The following FBXO31 variants were observed in gnomAD, a reference collection of about 807,000 sequenced individuals.
FBXO31 encodes the protein F-box only protein 31.
FBXO31 carries 24 observed loss-of-function variants against 54.4 expected under a neutral mutation model. That is an observed-to-expected ratio of 0.44 (90% confidence interval 0.32 to 0.62). The LOEUF (loss-of-function observed/expected upper bound fraction) is 0.62, where lower values mean the gene tolerates loss of function less well. Ranked by LOEUF, FBXO31 falls within the 20% of genes least tolerant of loss-of-function variation. The pLI is 0.05. For missense variants in FBXO31, 665 were observed against 787.1 expected (o/e 0.84, Z 1.86); for synonymous variants, 388 against 335.6 (o/e 1.16, Z -1.71).
intron 5 of FBXO31, among the ~76,000 whole-genome samples, chr16:87,341,655 CAAAAAAAAA>C (rs397854967): frequency 7.1e-5 from 5 of 70,680 alleles, no homozygotes; most frequent in Non-Finnish European, 1.3e-4. Flanking sequence ...GACTCCGTCT[CAAAAAAAAA>C]AAAAAAAAAA....
rs1441436413 is a variant in FBXO31 at position 87,334,140 on chromosome 16, C to T, written c.1143G>A (p.Gln381=). Residue 381 remains glutamine (Q), a synonymous_variant, in exon 8 of 9, where the codon CAG becomes CAA. Transcript: ENST00000311635. ...LEVRERVRQE[Q]QEGGHEAGEG... ...CGCCCGCCTCGTGCCCGCCTTCCTG[C>T]TGCTCCTGGCGCACCCTCTCGCGCA... The T allele has an allele frequency of 1.9e-6, 3 of 1,612,100 alleles. No homozygotes were observed. The highest frequency in any genetic ancestry group is 2.5e-6 in the Non-Finnish European group (3 of 1,179,324).
intron 1 of FBXO31, among the ~76,000 whole-genome samples, chr16:87,362,207 A>G (rs115856946): frequency 0.015 from 2,217 of 152,330 alleles, 51 homozygotes; most frequent in African/African-American, 0.05. Flanking sequence ...AGCCACATCA[A>G]AAAGGGTACA....
intron 2 of FBXO31, among the ~76,000 whole-genome samples, chr16:87,352,348 G>A (rs1366114124): frequency 1.3e-5 from 2 of 152,044 alleles, no homozygotes; most frequent in Non-Finnish European, 2.9e-5. Context: ...TGTGAATAAG[G>A]ACATCGCTAC....
intron 2 of FBXO31, among the ~76,000 whole-genome samples, chr16:87,349,230 A>G (rs1224049416): frequency 1.3e-5 from 2 of 152,266 alleles, no homozygotes; most frequent in Non-Finnish European, 2.9e-5. Context: ...GTGACACTCC[A>G]AATTTTAAAA....
chr16:87,350,384 C>T (rs1381730900), intron 2 of FBXO31, among the ~76,000 whole-genome samples: 1 of 152,184 alleles, frequency 6.6e-6, no homozygotes, highest in Non-Finnish European at 1.5e-5. Context: ...TGTGTGCAGG[C>T]TGCTGCCAGC....
At chr16:87,391,693 C>G (rs1377804911), upstream of FBXO31, 1 of 152,322 alleles carries the variant, frequency 6.6e-6, no homozygotes, top group Non-Finnish European at 1.5e-5. Flanking sequence ...CGCAAACGCG[C>G]CAAGGCTGGG....
Position 87,354,719 on chromosome 16 carries a change from G to C in FBXO31, c.412+5576C>G, listed in dbSNP as rs149579922. On this transcript the variant is annotated intron_variant, in intron 2 of 8. Coordinates refer to ENST00000311635, the MANE Select transcript of FBXO31 (RefSeq NM_024735.5). The stretch of plus-strand genomic sequence containing the variant: ...ACACTGGCTCACACCTGTAATCCCA[G>C]CACTTTGGGTGGCCGAGGTAGATGG... Among the ~76,000 whole-genome samples the C allele has an allele frequency of 3.8e-3, 582 of 151,956 alleles. 14 individuals are homozygous for C. The highest frequency in any genetic ancestry group is 2.6e-3 in the East Asian group (13 of 5,080).
At chr16:87,359,978 G>A (rs1210110051) in intron 2 of FBXO31, among the ~76,000 whole-genome samples, 1 of 152,214 alleles carries the variant, frequency 6.6e-6, no homozygotes, top group Admixed American at 6.5e-5. Flanking sequence ...GAAGGCTGGA[G>A]GCCCAGAAGC....
Position 87,334,090 on chromosome 16 carries a change from C to T in FBXO31, c.1193G>A (p.Arg398Gln), listed in dbSNP as rs749513403. 1.7e-5 allele frequency: 27 copies of T among 1,610,150 alleles called. No homozygotes were observed. Among genetic ancestry groups the T allele is most frequent in the Middle Eastern group, 3.3e-4 (2 of 6,036 alleles). The change falls in exon 8 of 9, where the codon CGG becomes CAG. Residue 398 changes from arginine to glutamine, a missense_variant. Coordinates refer to ENST00000311635, the MANE Select transcript of FBXO31 (RefSeq NM_024735.5). ...AGEGRGRQGPRESQPSPAQPR... is the reference protein window; with the variant it reads ...AGEGRGRQGPQESQPSPAQPR... ...CTGGGCAGGGCTTGGCTGGGACTCCCGGGGGCCCTGCCGGCCACGACCCTC... is the reference window on the plus strand; with the variant it reads ...CTGGGCAGGGCTTGGCTGGGACTCCTGGGGGCCCTGCCGGCCACGACCCTC...
At chr16:87,359,865 A>G (rs1424534210) in intron 2 of FBXO31, among the ~76,000 whole-genome samples, 1 of 152,150 alleles carries the variant, frequency 6.6e-6, no homozygotes, top group Non-Finnish European at 1.5e-5. Flanking sequence ...ACAGAATGCT[A>G]AAGGGAAGGA....
intron 5 of FBXO31, among the ~76,000 whole-genome samples, chr16:87,337,875 T>G (rs1197014834): frequency 6.6e-6 from 1 of 151,386 alleles, no homozygotes; most frequent in Non-Finnish European, 1.5e-5. Flanking sequence ...ATTTTAGGAC[T>G]CAATTTTTAG....
Position 87,358,160 on chromosome 16 carries a change from C to G in FBXO31, c.412+2135G>C, listed in dbSNP as rs1285742839. On this transcript the variant is annotated intron_variant, in intron 2 of 8. Transcript: ENST00000311635. The surrounding 1 kb of genome is among the most constrained non-coding windows in gnomAD (Gnocchi z 4.0). ...AAAATGTGCATTAAAGTGATCTCGA[C>G]TGGTAGTACCCAGAAACCACTGCAG... 6.6e-6 allele frequency among the ~76,000 whole-genome samples: 1 copy of G among 152,208 alleles called. No individual in the cohort carries two copies. Among genetic ancestry groups the G allele is most frequent in the Non-Finnish European group, 1.5e-5 (1 of 68,046 alleles).
Position 87,328,918 on chromosome 16 carries a change from A to G in FBXO31, c.*2370T>C, listed in dbSNP as rs74038725. 1.3e-5 allele frequency: 2 copies of G among 152,108 alleles called. No individual in the cohort carries two copies. Among genetic ancestry groups the G allele is most frequent in the African/African-American group, 4.8e-5 (2 of 41,404 alleles). The allele number at this position is 152,108 out of a possible 1,614,324, so 9.4% of individuals were successfully genotyped here. Reference sequence around the variant, plus strand: ...TTTTATCCAACTCTCAGCTGCCCTTAGGCCTCTGATGACGACATCAGCCCT... The same window carrying G: ...TTTTATCCAACTCTCAGCTGCCCTTGGGCCTCTGATGACGACATCAGCCCT... On this transcript the variant is annotated 3_prime_UTR_variant, in exon 9 of 9. Coordinates refer to ENST00000311635, the MANE Select transcript of FBXO31 (RefSeq NM_024735.5).
intron 2 of FBXO31, among the ~76,000 whole-genome samples, chr16:87,348,237 C>T (rs971371579): frequency 2.0e-5 from 3 of 152,200 alleles, no homozygotes; most frequent in Non-Finnish European, 4.4e-5. Flanking sequence ...CCTACCTGCC[C>T]GCTCTCCATC....
At chr16:87,377,786 A>C (rs1173277146) in intron 1 of FBXO31, among the ~76,000 whole-genome samples, 1 of 151,508 alleles carries the variant, frequency 6.6e-6, no homozygotes, top group Non-Finnish European at 1.5e-5. Flanking sequence ...CTGTGACTGC[A>C]CCACTACACT....
chr16:87,387,312 A>C (rs1362953293), upstream of FBXO31, among the ~76,000 whole-genome samples: 1 of 152,208 alleles, frequency 6.6e-6, no homozygotes, highest in Non-Finnish European at 1.5e-5. Flanking sequence ...CCTTTAAAGA[A>C]TAAGGAAGGT....
At chr16:87,363,081 T>G (rs1426774482) in intron 1 of FBXO31, among the ~76,000 whole-genome samples, 1 of 151,986 alleles carries the variant, frequency 6.6e-6, no homozygotes, top group African/African-American at 2.4e-5. Context: ...CAACACCAGG[T>G]GCAGGTTAAA....
chr16:87,370,128 G>C (rs180956946), intron 1 of FBXO31, among the ~76,000 whole-genome samples: 3 of 152,272 alleles, frequency 2.0e-5, no homozygotes, highest in Admixed American at 6.5e-5. Context: ...GAATGCTTTG[G>C]AAGAGCCCTT....
At chr16:87,331,582 T>C in intron 8 of FBXO31, 72 bp from the exon 9 acceptor site, 2 of 1,282,362 alleles carry the variant, frequency 1.6e-6, no homozygotes, top group South Asian at 2.8e-5. Context: ...TACAGCATTC[T>C]GCGACCCCGC....
Sources: gnomAD v4.1 joint callset for allele counts (sites outside exome capture counted in the v4.1 genomes callset) on GRCh38, gnomAD v4.1.1 for gene constraint, Gnocchi (gnomAD v3.1) non-coding constraint, MANE v1.5 for transcripts, NCBI Gene and HGNC (gene_info 2026-07-23, HGNC 2026-07-21) for gene names.